Variants in USH2A observed in about 807,000 individuals in gnomAD.
USH2A encodes Usher syndrome 2A (autosomal recessive, mild).
A neutral mutation model predicts 538.9 loss-of-function variants in USH2A; 443 were observed. That is an observed-to-expected ratio of 0.82 (90% CI 0.76 to 0.89). The LOEUF is 0.89. Ranked by LOEUF, USH2A falls within the 40% of genes least tolerant of loss-of-function variation. USH2A has a pLI of 0.00. For missense variants in USH2A, 6,633 were observed against 6,324.8 expected (o/e 1.05, Z -1.65); for synonymous variants, 2,413 against 2,273.5 (o/e 1.06, Z -1.75).
intron 64 of USH2A, among the ~76,000 whole-genome samples, chr1:215,653,776 T>C (rs1245445149): frequency 6.6e-6 from 1 of 152,186 alleles, no homozygotes; most frequent in Non-Finnish European, 1.5e-5. Flanking sequence ...TATTGAAGTG[T>C]AGTTCAGGGT....
chr1:216,028,182 G>A (rs1213400315), intron 32 of USH2A, among the ~76,000 whole-genome samples: 1 of 152,124 alleles, frequency 6.6e-6, no homozygotes, highest in Non-Finnish European at 1.5e-5. Flanking sequence ...GAGGTCAGGA[G>A]TTCGAGACCA....
At chr1:216,294,058 A>G (rs2037057499) in intron 9 of USH2A, among the ~76,000 whole-genome samples, 1 of 152,194 alleles carries the variant, frequency 6.6e-6, no homozygotes, top group African/African-American at 2.4e-5. Flanking sequence ...AAATTTACTC[A>G]AATTATGTAA....
At chr1:216,290,028 A>G (rs933949204) in intron 10 of USH2A, among the ~76,000 whole-genome samples, 4 of 152,124 alleles carry the variant, frequency 2.6e-5, no homozygotes, top group Admixed American at 2.6e-4. Flanking sequence ...TAGATATATC[A>G]GGTAATTCCC....
intron 41 of USH2A, among the ~76,000 whole-genome samples, chr1:215,880,691 GA>G (rs1052652759): frequency 6.6e-6 from 1 of 151,916 alleles, no homozygotes; most frequent in Non-Finnish European, 1.5e-5. Context: ...TAACAGAAAT[GA>G]AAAAAAGAAG....
chr1:215,912,489 ATGTG>A (rs1221476249), intron 38 of USH2A, among the ~76,000 whole-genome samples: 370 of 21,818 alleles, frequency 0.017, 6 homozygotes, highest in African/African-American at 0.037. Context: ...ATATATATAT[ATGTG>A]TATATATATA....
chr1:216,329,759 C>G (rs936066724), intron 4 of USH2A, among the ~76,000 whole-genome samples: 1 of 152,042 alleles, frequency 6.6e-6, no homozygotes, highest in Non-Finnish European at 1.5e-5. Context: ...TTGTGGGGAA[C>G]TTTCTGTGCC....
intron 3 of USH2A, among the ~76,000 whole-genome samples, chr1:216,417,437 T>C (rs1005090070): frequency 6.6e-6 from 1 of 152,102 alleles, no homozygotes; most frequent in Admixed American, 6.6e-5. Context: ...TTTGGCTCTG[T>C]GTCCCCACCC....
intron 44 of USH2A, among the ~76,000 whole-genome samples, chr1:215,859,974 T>C (rs1000249572): frequency 2.0e-5 from 3 of 152,194 alleles, no homozygotes; most frequent in African/African-American, 7.2e-5. Context: ...TGGCTTGGTG[T>C]CTTGCTCTGG....
rs528953392 is a variant in USH2A, at chr1:216,242,563, C to A, written c.2809+4022G>T. Among the ~76,000 whole-genome samples, 172 of 151,970 alleles carry A rather than the reference C, an allele frequency of 1.1e-3. 1 individual carries two copies. Among genetic ancestry groups the A allele is most frequent in the African/African-American group, 4.1e-3 (169 of 41,458 alleles). ...GCAAAAGAGAAAAACAGAAAAATGACTAGTTTTAGATAATAATATAAAAAG... is the reference window on the plus strand; with the variant it reads ...GCAAAAGAGAAAAACAGAAAAATGAATAGTTTTAGATAATAATATAAAAAG... On this transcript the variant is annotated intron_variant, in intron 13 of 71. Coordinates refer to ENST00000307340, the MANE Select transcript of USH2A (RefSeq NM_206933.4).
At chr1:215,773,484 G>GTCTCTGTCTCTCTC (rs1661351824) in intron 55 of USH2A, among the ~76,000 whole-genome samples, 2 of 112,222 alleles carry the variant, frequency 1.8e-5, no homozygotes, top group African/African-American at 4.5e-5. Context: ...ATGTCTCTCT[G>GTCTCTGTCTCTCTC]TCTCTCTGTC....
intron 37 of USH2A, among the ~76,000 whole-genome samples, chr1:215,945,480 T>C (rs1415941232): frequency 1.3e-5 from 2 of 152,176 alleles, no homozygotes; most frequent in African/African-American, 4.8e-5. Flanking sequence ...ACCCTAAGAA[T>C]GTGGTTTGTA....
intron 14 of USH2A, among the ~76,000 whole-genome samples, chr1:216,230,867 C>T (rs78865709): frequency 3.1e-3 from 407 of 132,998 alleles, no homozygotes; most frequent in African/African-American, 0.011. Context: ...TAGACAAGCT[C>T]ATAATCTCAC....
chr1:215,720,018 T>C (rs1189948512), intron 61 of USH2A, among the ~76,000 whole-genome samples: 1 of 152,176 alleles, frequency 6.6e-6, no homozygotes, highest in Non-Finnish European at 1.5e-5. Flanking sequence ...AGAACTGTAT[T>C]GGAGAATAAT....
intron 32 of USH2A, among the ~76,000 whole-genome samples, chr1:216,009,702 A>G (rs980309165): frequency 1.5e-4 from 23 of 152,014 alleles, no homozygotes; most frequent in South Asian, 4.1e-4. Flanking sequence ...TCGCCAGGCC[A>G]AGCTAGGTCC....
intron 32 of USH2A, among the ~76,000 whole-genome samples, chr1:216,043,461 A>T (rs2030375278): frequency 6.6e-6 from 1 of 152,104 alleles, no homozygotes; most frequent in Non-Finnish European, 1.5e-5. Flanking sequence ...TATTGGAGAT[A>T]TATTCTTTAA....
chr1:216,031,053 C>T (rs948994583), intron 32 of USH2A, among the ~76,000 whole-genome samples: 3 of 151,890 alleles, frequency 2.0e-5, no homozygotes, highest in Non-Finnish European at 4.4e-5. Context: ...GTGTACTGGG[C>T]ATTTCTCTAT....
At chr1:216,420,581 C>T (rs1031586565) in intron 2 of USH2A, among the ~76,000 whole-genome samples, 1 of 152,058 alleles carries the variant, frequency 6.6e-6, no homozygotes. Flanking sequence ...ACTTCTCTGT[C>T]TTATTTATAC....
chr1:216,417,528 A>G (rs1192367705), intron 3 of USH2A, among the ~76,000 whole-genome samples: 1 of 152,092 alleles, frequency 6.6e-6, no homozygotes, highest in Non-Finnish European at 1.5e-5. Flanking sequence ...ACGTTTTCTC[A>G]TCAGTACTTT....
intron 55 of USH2A, among the ~76,000 whole-genome samples, chr1:215,775,989 C>T (rs530360553): frequency 3.3e-5 from 5 of 152,108 alleles, no homozygotes; most frequent in Admixed American, 6.5e-5. Flanking sequence ...CCTTATTATA[C>T]GTTATGCTAA....
Sources: gnomAD v4.1 joint callset for allele counts (sites outside exome capture counted in the v4.1 genomes callset) on GRCh38, gnomAD v4.1.1 for gene constraint, MANE v1.5 for transcripts, NCBI Gene and HGNC (gene_info 2026-07-23, HGNC 2026-07-21) for gene names.